The following ZFHX4 variants were observed in gnomAD, a reference collection of about 807,000 sequenced individuals.
ZFHX4 encodes the protein zinc finger homeobox protein 4.
Under a neutral mutation model 267.6 loss-of-function variants are expected in ZFHX4, and 56 were observed. That is an observed-to-expected ratio of 0.21 (90% confidence interval 0.17 to 0.26). The LOEUF (loss-of-function observed/expected upper bound fraction) is 0.26, where lower values mean the gene tolerates loss of function less well. Among genes scored for constraint, ZFHX4 ranks in the 10% least tolerant of loss-of-function variants. ZFHX4 has a pLI of 1.00. For synonymous variants in ZFHX4, 1,778 were observed against 1,665.6 expected, an observed-to-expected ratio of 1.07 and a Z score of -1.64; for missense variants, 4,332 against 4,420.0, an observed-to-expected ratio of 0.98 and a Z score of 0.56.
intron 3 of ZFHX4, among the ~76,000 whole-genome samples, chr8:76,722,272 A>G (rs966503378): frequency 6.6e-6 from 1 of 152,094 alleles, no homozygotes; most frequent in Admixed American, 6.6e-5. Flanking sequence ...CTCCTATACC[A>G]TATCACATGC....
chr8:76,852,076 T>C lies in ZFHX4; in HGVS notation c.5155T>C (p.Leu1719=). The change falls in exon 10 of 11, where the codon TTG becomes CTG. Residue 1719 remains leucine (L), a synonymous_variant. Coordinates refer to ENST00000651372, the MANE Select transcript of ZFHX4 (RefSeq NM_024721.5). ...FQPQFLNPAF[L]PHFPMTPEAL... ...GCCTCAGTTTCTAAACCCAGCCTTT[T>C]TGCCTCATTTTCCTATGACCCCAGA... is the stretch of plus-strand genomic sequence containing the variant. 2 of 1,613,982 alleles carry C rather than the reference T, an allele frequency of 1.2e-6. No homozygotes were observed. Among genetic ancestry groups the C allele is most frequent in the Non-Finnish European group, 1.7e-6 (2 of 1,179,876 alleles).
chr8:76,695,066 T>C (rs1218817266), intron 1 of ZFHX4, among the ~76,000 whole-genome samples: 1 of 151,906 alleles, frequency 6.6e-6, no homozygotes, highest in East Asian at 2.0e-4. Context: ...CAGGGAAATA[T>C]TGGGATTAGC....
chr8:76,779,982 A>C (rs185731362), intron 4 of ZFHX4, among the ~76,000 whole-genome samples: 1 of 152,220 alleles, frequency 6.6e-6, no homozygotes, highest in Admixed American at 6.5e-5. Flanking sequence ...ATGTGAACAT[A>C]ATTTAAATAA....
chr8:76,852,880 G>A lies in ZFHX4; in HGVS notation c.5959G>A (p.Glu1987Lys). Residue 1987 changes from glutamate to lysine, a missense_variant, in exon 10 of 11, where the codon GAG becomes AAG. Transcript: ENST00000651372. ...AGAAAAATTTGCTCGTCAATACAGG[G>A]AGGCCTATGACAAGCTTTATCCAAT... ...ALEKFARQYR[E>K]AYDKLYPISP... The A allele has an allele frequency of 6.2e-7, 1 of 1,613,466 alleles. No homozygotes were observed. The highest frequency in any genetic ancestry group is 8.5e-7 in the Non-Finnish European group (1 of 1,179,678).
intron 4 of ZFHX4, among the ~76,000 whole-genome samples, chr8:76,827,301 A>G (rs987683620): frequency 4.6e-5 from 7 of 152,144 alleles, no homozygotes. Flanking sequence ...GCTGCCTCTA[A>G]TCTGATGCGA....
At chr8:76,776,308 C>T (rs1483464649) in intron 3 of ZFHX4, among the ~76,000 whole-genome samples, 1 of 152,074 alleles carries the variant, frequency 6.6e-6, no homozygotes, top group Non-Finnish European at 1.5e-5. Context: ...CCTCCCTCCC[C>T]TCTGGAAAGT....
At chr8:76,752,475 C>T (rs905843207) in intron 3 of ZFHX4, among the ~76,000 whole-genome samples, 1 of 115,946 alleles carries the variant, frequency 8.6e-6, no homozygotes, top group Non-Finnish European at 1.7e-5. Flanking sequence ...AACCCTGTCT[C>T]TACCAAAAAT....
chr8:76,706,527 C>T lies in ZFHX4; in HGVS notation c.2439C>T (p.Leu813=), dbSNP rs778751526. Residue 813 remains leucine, a synonymous_variant, in exon 2 of 11, where the codon CTC becomes CTT. Transcript: ENST00000651372. ...KQIQHNLHLG[L]APAEAELYQY... ...TCCAGCATAATCTGCACTTGGGCCT[C>T]GCCCCGGCGGAAGCAGAGCTTTATC... is the stretch of plus-strand genomic sequence containing the variant. 36 of 1,613,376 alleles carry T rather than the reference C, an allele frequency of 2.2e-5. No individual in the cohort carries two copies. Among genetic ancestry groups the T allele is most frequent in the Non-Finnish European group, 2.9e-5 (34 of 1,179,692 alleles).
chr8:76,825,822 TA>T (rs1475884176), intron 4 of ZFHX4, among the ~76,000 whole-genome samples: 2 of 152,206 alleles, frequency 1.3e-5, no homozygotes, highest in African/African-American at 2.4e-5. Flanking sequence ...TGTAGTCCTT[TA>T]AAAACAGTGC....
intron 3 of ZFHX4, among the ~76,000 whole-genome samples, chr8:76,741,626 G>A (rs188649100): frequency 5.9e-5 from 9 of 152,256 alleles, no homozygotes; most frequent in African/African-American, 9.6e-5. Context: ...TGTATTTGGC[G>A]GGAAGAACAA....
intron 3 of ZFHX4, among the ~76,000 whole-genome samples, chr8:76,717,941 A>C (rs1449584399): frequency 1.3e-5 from 2 of 152,160 alleles, no homozygotes; most frequent in Admixed American, 6.5e-5. Flanking sequence ...TTTTTTATAG[A>C]CTTAAAATAT....
chr8:76,681,524 C>A lies in ZFHX4; in HGVS notation c.-143C>A, dbSNP rs1807529430. ...TTATTTTTTTTGTTTTTTTAATGAACCCTCTCGTTTTACTTGGATGTGATC... is the reference window on the plus strand; with the variant it reads ...TTATTTTTTTTGTTTTTTTAATGAAACCTCTCGTTTTACTTGGATGTGATC... On this transcript the variant is annotated 5_prime_UTR_variant, in exon 1 of 11. Coordinates refer to ENST00000651372, the MANE Select transcript of ZFHX4 (RefSeq NM_024721.5). 2 of 397,740 alleles carry A rather than the reference C, an allele frequency of 5.0e-6. No individual in the cohort carries two copies. Among genetic ancestry groups the A allele is most frequent in the African/African-American group, 2.1e-5 (1 of 48,280 alleles). 24.6% of individuals were successfully genotyped at this position (397,740 alleles called of 1,614,324 possible).
intron 4 of ZFHX4, among the ~76,000 whole-genome samples, chr8:76,808,016 C>T (rs1563534055): frequency 6.6e-6 from 1 of 151,994 alleles, no homozygotes; most frequent in Non-Finnish European, 1.5e-5. Flanking sequence ...GTGTGGTTCC[C>T]TTGCAATGTT....
intron 10 of ZFHX4, among the ~76,000 whole-genome samples, chr8:76,861,298 G>T (rs1244472553): frequency 6.6e-6 from 1 of 152,088 alleles, no homozygotes; most frequent in Admixed American, 6.6e-5. Context: ...AGTTAAACCA[G>T]AAGATAAATT....
chr8:76,810,279 T>A (rs1359500887), intron 4 of ZFHX4, among the ~76,000 whole-genome samples: 1 of 152,168 alleles, frequency 6.6e-6, no homozygotes, highest in Non-Finnish European at 1.5e-5. Context: ...CATTAGTTCA[T>A]ATGCATAGGA....
rs774070558 is a variant in ZFHX4, at chr8:76,706,009, T to G, written c.1921T>G (p.Cys641Gly). The G allele has an allele frequency of 1.2e-6, 2 of 1,613,514 alleles. No individual in the cohort carries two copies. Among genetic ancestry groups the G allele is most frequent in the Admixed American group, 3.3e-5 (2 of 59,976 alleles). The change falls in exon 2 of 11, where the codon TGC becomes GGC. Residue 641 changes from cysteine to glycine, a missense_variant. Physicochemically the swap from Cys to Gly is radical, Grantham distance 159. Coordinates refer to ENST00000651372, the MANE Select transcript of ZFHX4 (RefSeq NM_024721.5). Reference protein sequence around the residue: ...HMTMMHSRNSCKTLKCPKCNW... With the variant: ...HMTMMHSRNSGKTLKCPKCNW... ...GACTATGATGCACTCGAGGAACTCA[T>G]GCAAAACCCTCAAATGTCCTAAATG...
Position 76,772,470 on chromosome 8 carries a change from GTAAGAGGGT to G in ZFHX4, c.3094-5731_3094-5723del, listed in dbSNP as rs1456320973. 4.6e-5 allele frequency among the ~76,000 whole-genome samples: 7 copies of G among 150,686 alleles called. No individual in the cohort carries two copies. In the East Asian group the frequency reaches 1.4e-3, roughly 29 times the overall value. ...ATTAATAGTGGGTAAGGAAGACTGAGTAAGAGGGTTAAGAGAGTTATGGCTAAAGCCAGG... is the reference window on the plus strand; with the variant it reads ...ATTAATAGTGGGTAAGGAAGACTGAGTAAGAGAGTTATGGCTAAAGCCAGG... On this transcript the variant is annotated intron_variant, in intron 3 of 10. Coordinates refer to ENST00000651372, the MANE Select transcript of ZFHX4 (RefSeq NM_024721.5).
intron 4 of ZFHX4, among the ~76,000 whole-genome samples, chr8:76,806,347 GGT>G (rs1811245121): frequency 6.6e-6 from 1 of 152,052 alleles, no homozygotes; most frequent in African/African-American, 2.4e-5. Context: ...GTGGACTATG[GGT>G]GTAGACTCAG....
chr8:76,683,669 AG>A (rs1807613997), intron 1 of ZFHX4: 2 of 151,168 alleles, frequency 1.3e-5, no homozygotes, highest in East Asian at 3.9e-4. Flanking sequence ...AGAGAGAGAG[AG>A]AGAGGGAGAG....
Sources: gnomAD v4.1 joint callset for allele counts (sites outside exome capture counted in the v4.1 genomes callset) on GRCh38, gnomAD v4.1.1 for gene constraint, MANE v1.5 for transcripts, NCBI Gene and HGNC (gene_info 2026-07-23, HGNC 2026-07-21) for gene names.